POR: variants seen among roughly 807,000 people sequenced by gnomAD.
POR encodes cytochrome p450 oxidoreductase, also known as NADPH--cytochrome P450 reductase.
In POR, 56 loss-of-function variants were observed where a neutral mutation model predicts 84.0. The ratio of observed to expected loss-of-function variants is 0.67; its 90% CI spans 0.54 to 0.83. The LOEUF (loss-of-function observed/expected upper bound fraction) is 0.83, where lower values mean the gene tolerates loss of function less well. Among genes scored for constraint, POR ranks in the 40% least tolerant of loss-of-function variants. POR has a pLI of 0.00. For synonymous variants in POR, 414 were observed against 400.5 expected (o/e 1.03, Z -0.40); for missense variants, 938 against 944.3 (o/e 0.99, Z 0.09).
At chr7:75,957,474 C>G (rs547949659) in intron 2 of POR, among the ~76,000 whole-genome samples, 11 of 152,248 alleles carry the variant, frequency 7.2e-5, no homozygotes, top group African/African-American at 2.6e-4. Flanking sequence ...GGCCCTTGTT[C>G]CCTCATCTGT....
At chr7:75,969,511 C>T (rs1387847628) in intron 2 of POR, among the ~76,000 whole-genome samples, 1 of 152,204 alleles carries the variant, frequency 6.6e-6, no homozygotes, top group Non-Finnish European at 1.5e-5. Context: ...GCCTCCCGTG[C>T]CCCCACCTGG....
intron 2 of POR, among the ~76,000 whole-genome samples, chr7:75,966,913 T>G (rs1788208218): frequency 6.6e-6 from 1 of 152,208 alleles, no homozygotes; most frequent in South Asian, 2.1e-4. Flanking sequence ...GTGGTCTGTG[T>G]GCTCCAGGCC....
At chr7:75,952,889 G>GCAGAGACGCTCCTCACTTCCCAGA (rs1344556804) in intron 1 of POR, among the ~76,000 whole-genome samples, 1 of 152,062 alleles carries the variant, frequency 6.6e-6, no homozygotes, top group Non-Finnish European at 1.5e-5. Context: ...GGGCAGCCAG[G>GCAGAGACGCTCCTCACTTCCCAGA]CAGAGACGCT....
chr7:75,941,283 G>A (rs949889459), intron 1 of POR, among the ~76,000 whole-genome samples: 7 of 152,170 alleles, frequency 4.6e-5, no homozygotes, highest in Non-Finnish European at 8.8e-5. Context: ...ACAATGACAC[G>A]ATGGCCGAGT....
intron 2 of POR, among the ~76,000 whole-genome samples, chr7:75,963,995 T>C (rs1420146672): frequency 7.4e-6 from 1 of 135,684 alleles, no homozygotes; most frequent in Non-Finnish European, 1.5e-5. Flanking sequence ...TTTTTTCTTT[T>C]TCTTTCTTTC....
At chr7:75,946,128 C>T (rs570034157) in intron 1 of POR, among the ~76,000 whole-genome samples, 2 of 152,110 alleles carry the variant, frequency 1.3e-5, no homozygotes, top group South Asian at 2.1e-4. Context: ...GACAGGGAAT[C>T]GTGGTCAAGC....
At chr7:75,984,439 T>C (rs974756326) in intron 10 of POR, among the ~76,000 whole-genome samples, 12 of 152,178 alleles carry the variant, frequency 7.9e-5, no homozygotes, top group Non-Finnish European at 1.6e-4. Flanking sequence ...CTGCCCTTAC[T>C]GTCGGCTTCC....
intron 1 of POR, among the ~76,000 whole-genome samples, chr7:75,937,878 C>T (rs1807776942): frequency 6.6e-6 from 1 of 152,236 alleles, no homozygotes; most frequent in African/African-American, 2.4e-5. Context: ...TCACCTTGTG[C>T]CACCTTTTAA....
At chr7:75,974,524 C>CTTTTTTTTT (rs1238804117) in intron 3 of POR, among the ~76,000 whole-genome samples, 3 of 107,914 alleles carry the variant, frequency 2.8e-5, no homozygotes, top group East Asian at 2.8e-4. Context: ...TTTTTCTTTT[C>CTTTTTTTTT]TTTTTTTTTT....
intron 2 of POR, among the ~76,000 whole-genome samples, chr7:75,961,518 C>G (rs1408265090): frequency 2.6e-5 from 4 of 152,154 alleles, no homozygotes; most frequent in Non-Finnish European, 5.9e-5. Flanking sequence ...AAAAATAAAG[C>G]TTCTTATGGA....
chr7:75,984,944 T>A lies in POR; in HGVS notation c.1234T>A (p.Ser412Thr). The A allele has an allele frequency of 6.3e-7, 1 of 1,596,318 alleles. No homozygotes were observed. Among genetic ancestry groups the A allele is most frequent in the Non-Finnish European group, 8.6e-7 (1 of 1,168,658 alleles). ...GCTGCTGCGCAAGATGGCCTCCTCC[T>A]CCGGCGAGGGCAAGGTGCGCCCCCT... Residue 412 changes from serine (S) to threonine (T), a missense_variant, in exon 11 of 16, where the codon TCC becomes ACC. Transcript: ENST00000461988.
intron 1 of POR, among the ~76,000 whole-genome samples, chr7:75,939,593 T>C (rs1388195648): frequency 6.6e-6 from 1 of 151,582 alleles, no homozygotes; most frequent in Non-Finnish European, 1.5e-5. Flanking sequence ...AAGAACCTCT[T>C]TACTCTTTTA....
chr7:75,983,751 G>A lies in POR; in HGVS notation c.961G>A (p.Asp321Asn). The change falls in exon 10 of 16, where the codon GAC (aspartate) becomes AAC (asparagine). Residue 321 changes from aspartate (D) to asparagine (N), a missense_variant. Transcript: ENST00000461988. ...ATCTCCCTCCAGGTATGAATCTGGG[G>A]ACCACGTGGCTGTGTACCCAGCCAA... 6.2e-7 allele frequency: 1 copy of A among 1,612,348 alleles called. No individual in the cohort carries two copies. Among genetic ancestry groups the A allele is most frequent in the South Asian group, 1.1e-5 (1 of 91,050 alleles).
chr7:75,970,396 G>A (rs576796168), intron 2 of POR, among the ~76,000 whole-genome samples: 71 of 151,756 alleles, frequency 4.7e-4, no homozygotes, highest in Non-Finnish European at 7.2e-4. Context: ...TCATGTGATC[G>A]CACAGTGGTG....
intron 7 of POR, 90 bp downstream of exon 7, chr7:75,981,696 C>A: frequency 9.0e-7 from 1 of 1,116,778 alleles, no homozygotes; most frequent in Non-Finnish European, 1.3e-6. Context: ...CAGTGGGTCG[C>A]AGCAAGGTTA....
chr7:75,922,235 A>G (rs1357505832), intron 1 of POR, among the ~76,000 whole-genome samples: 1 of 151,346 alleles, frequency 6.6e-6, no homozygotes, highest in Admixed American at 6.6e-5. Flanking sequence ...ATGAATAAAT[A>G]TGGCTTCTGT....
chr7:75,981,390 C>A, intron 6 of POR, 127 bp from the exon 7 acceptor site: 1 of 1,209,292 alleles, frequency 8.3e-7, no homozygotes, highest in Non-Finnish European at 1.2e-6. Context: ...GTTTATGTCG[C>A]TGGGTGCCCC....
At chr7:75,981,011 A>AG in intron 5 of POR, 37 bp from the exon 6 acceptor site, 2 of 1,533,020 alleles carry the variant, frequency 1.3e-6, no homozygotes, top group Non-Finnish European at 1.8e-6. Context: ...GGTCAGGTCG[A>AG]GGGCCAGGCC....
At position 75,956,582 on chromosome 7, in the gene POR, A is replaced by G. The variant is rs147136857; in HGVS notation, c.188+2402A>G. On this transcript the variant is annotated intron_variant, in intron 2 of 15. Transcript: ENST00000461988. ...TTTTGTCTTAAATGAGGAAGAGTCT[A>G]TAAACTCACCTAGCACTGCCCCTGA... 1.8e-3 allele frequency among the ~76,000 whole-genome samples: 273 copies of G among 152,190 alleles called. 13 individuals carry two copies. In the South Asian group the frequency reaches 0.05, roughly 28 times the overall value.
Sources: allele counts gnomAD v4.1 joint callset (sites outside exome capture counted in the v4.1 genomes callset), GRCh38; gene constraint gnomAD v4.1.1; transcripts MANE v1.5; gene names NCBI Gene and HGNC (gene_info 2026-07-23, HGNC 2026-07-21).